Variants in SPTAN1 observed in about 807,000 individuals in gnomAD.
The protein encoded by SPTAN1 is spectrin alpha, non-erythrocytic 1.
Under a neutral mutation model 331.3 loss-of-function variants are expected in SPTAN1, and 61 were observed. The ratio of observed to expected loss-of-function variants is 0.18; its 90% CI spans 0.15 to 0.23. The LOEUF is 0.23. Among genes scored for constraint, SPTAN1 ranks in the 10% least tolerant of loss-of-function variants. The probability of loss-of-function intolerance (pLI) is 1.00; values close to 1 mark genes in which losing one functional copy is unlikely to be tolerated. For synonymous variants in SPTAN1, 1,153 were observed against 1,173.9 expected (o/e 0.98, Z 0.36); for missense variants, 2,043 against 3,147.9 (o/e 0.65, Z 8.40).
chr9:128,580,902 ATG>A lies in SPTAN1; in HGVS notation c.1324-18_1324-17del. 1.2e-6 allele frequency: 2 copies of A among 1,612,222 alleles called. No individual in the cohort carries two copies. The highest frequency in any genetic ancestry group is 2.2e-5 in the South Asian group (2 of 91,006). ...TGGGGCTGACCTCATCTCCCTGACC[ATG>A]TCTCCTATGCCCCCAAGCTGACCGT... On this transcript the variant is annotated intron_variant, in intron 10 of 56. Transcript: ENST00000372739.
In SPTAN1 at chr9:128,627,311, T is replaced by G; in HGVS notation, c.6577-75T>G. The stretch of plus-strand genomic sequence containing the variant: ...CCTTGTGGGGAGGCCACCACCACCC[T>G]GAGCCCATCTGTGAAGGAGGGGCTG... On this transcript the variant is annotated intron_variant, in intron 49 of 56. Transcript: ENST00000372739. This position sits in a 1 kb window ranked among gnomAD's most constrained non-coding sequence, Gnocchi z 4.9. The G allele has an allele frequency of 7.4e-7, 1 of 1,352,086 alleles. No homozygotes were observed. The highest frequency in any genetic ancestry group is 1.0e-6 in the Non-Finnish European group (1 of 969,694). The allele number at this position is 1,352,086 out of a possible 1,614,324, so 83.8% of individuals were successfully genotyped here. A position where few individuals can be genotyped will look rare whatever the true frequency, so the allele number is the denominator to read the frequency against.
intron 46 of SPTAN1, chr9:128,624,857 C>G: frequency 5.0e-6 from 3 of 594,420 alleles, no homozygotes; most frequent in Non-Finnish European, 9.0e-6. Context: ...TATCGGGGTC[C>G]ACGTGTCCTG....
chr9:128,557,261 A>G (rs910062098), intron 1 of SPTAN1, among the ~76,000 whole-genome samples: 6 of 152,184 alleles, frequency 3.9e-5, no homozygotes, highest in African/African-American at 1.4e-4. Flanking sequence ...TGTCTCTTAC[A>G]TCCAGTGCAT....
intron 1 of SPTAN1, among the ~76,000 whole-genome samples, chr9:128,564,355 G>T (rs1849760596): frequency 6.6e-6 from 1 of 151,818 alleles, no homozygotes. Flanking sequence ...GGATGCAGAG[G>T]TTTCAATGAG....
intron 38 of SPTAN1, 30 bp downstream of exon 38, chr9:128,611,875 G>A (rs370956360): frequency 1.2e-6 from 2 of 1,614,052 alleles, no homozygotes; most frequent in Non-Finnish European, 1.7e-6. Flanking sequence ...GGTGCCCAGG[G>A]AGGAAGATGA....
intron 12 of SPTAN1, 48 bp from the exon 13 acceptor site, chr9:128,582,431 T>C (rs1852057319): frequency 6.4e-7 from 1 of 1,554,994 alleles, no homozygotes; most frequent in Non-Finnish European, 8.9e-7. Flanking sequence ...GAGGCCAAGC[T>C]TGGGACTAGT....
chr9:128,585,180 AATTTTTGTATTTTT>A (rs1255958660), intron 18 of SPTAN1, among the ~76,000 whole-genome samples: 1 of 151,722 alleles, frequency 6.6e-6, no homozygotes, highest in African/African-American at 2.4e-5. Flanking sequence ...ATACCCAGCT[AATTTTTGTATTTTT>A]ATTTTTGTAT....
chr9:128,574,046 C>A (rs1851028945), intron 3 of SPTAN1, among the ~76,000 whole-genome samples: 1 of 152,214 alleles, frequency 6.6e-6, no homozygotes, highest in Non-Finnish European at 1.5e-5. Flanking sequence ...AGCCGCTGCA[C>A]CCAGCCTCCC....
intron 46 of SPTAN1, 139 bp from the exon 47 acceptor site, chr9:128,624,964 A>G: frequency 2.5e-6 from 2 of 809,100 alleles, no homozygotes; most frequent in East Asian, 2.6e-5. Flanking sequence ...GGGCCTGCTA[A>G]TGTGGGTTCT....
intron 27 of SPTAN1, among the ~76,000 whole-genome samples, chr9:128,601,729 C>T (rs1178882591): frequency 6.6e-6 from 1 of 152,226 alleles, no homozygotes; most frequent in East Asian, 1.9e-4. Context: ...AAAAAGCCTC[C>T]CCTCAACAAC....
At chr9:128,614,588 T>G (rs1269523629) in intron 40 of SPTAN1, among the ~76,000 whole-genome samples, 2 of 142,964 alleles carry the variant, frequency 1.4e-5, no homozygotes, top group African/African-American at 5.2e-5. Flanking sequence ...AGACTACGTC[T>G]CAAAAAAAAA....
intron 41 of SPTAN1, among the ~76,000 whole-genome samples, chr9:128,616,212 TAAAC>T (rs1304572117): frequency 3.3e-5 from 5 of 151,582 alleles, no homozygotes; most frequent in Non-Finnish European, 5.9e-5. Context: ...ATGTGGCAGG[TAAAC>T]AAACATTTTT....
Position 128,609,639 on chromosome 9 carries a change from C to T in SPTAN1, c.4759-12C>T. 2.0e-6 allele frequency: 3 copies of T among 1,524,724 alleles called. No individual in the cohort carries two copies. The Admixed American group carries it at 7.1e-5, about 36-fold the overall frequency. 94.4% of individuals were successfully genotyped at this position (1,524,724 alleles called of 1,614,324 possible). A position where few individuals can be genotyped will look rare whatever the true frequency, so the allele number is the denominator to read the frequency against. ...TGTACTGAACTCTTGTTCTTTTAATCTGTTTTTGTAGCTTTCCAAGCTGCT... is the reference window on the plus strand; with the variant it reads ...TGTACTGAACTCTTGTTCTTTTAATTTGTTTTTGTAGCTTTCCAAGCTGCT... On this transcript the variant is annotated splice_polypyrimidine_tract_variant and intron_variant, in intron 36 of 56. Coordinates refer to ENST00000372739, the MANE Select transcript of SPTAN1 (RefSeq NM_001130438.3).
chr9:128,629,004 G>T lies in SPTAN1; in HGVS notation c.6707+1062G>T. On this transcript the variant is annotated intron_variant, in intron 51 of 56. Transcript: ENST00000372739. The surrounding 1 kb of genome is among the most constrained non-coding windows in gnomAD (Gnocchi z 4.9). ...CTGGGCCTGCTGCCTCCAGGTACCC[G>T]CCGGGCACCAGGTTGCCCTTGCCTG... is the stretch of plus-strand genomic sequence containing the variant. 2.5e-6 allele frequency: 1 copy of T among 394,882 alleles called. No individual in the cohort carries two copies. The highest frequency in any genetic ancestry group is 4.5e-6 in the Non-Finnish European group (1 of 224,066). The allele number at this position is 394,882 out of a possible 1,614,324, so 24.5% of individuals were successfully genotyped here.
chr9:128,602,546 A>G (rs1238678228), intron 27 of SPTAN1, among the ~76,000 whole-genome samples: 5 of 150,614 alleles, frequency 3.3e-5, no homozygotes, highest in African/African-American at 1.2e-4. Flanking sequence ...GGTTGTGAGC[A>G]TTATAACCTA....
chr9:128,599,047 A>C (rs1276479250), intron 26 of SPTAN1, 61 bp downstream of exon 26: 8 of 1,520,540 alleles, frequency 5.3e-6, no homozygotes, highest in Non-Finnish European at 7.3e-6. Flanking sequence ...CTTGGGAAGA[A>C]TATCAAGCCA....
chr9:128,601,451 G>C (rs930993588), intron 27 of SPTAN1: 40 of 152,206 alleles, frequency 2.6e-4, no homozygotes, highest in African/African-American at 8.7e-4. Context: ...TTTTGGCTAG[G>C]TGTTGTGGCT....
intron 22 of SPTAN1, 24 bp from the exon 23 acceptor site, chr9:128,592,959 T>C (rs1460240371): frequency 1.9e-6 from 3 of 1,597,342 alleles, no homozygotes; most frequent in South Asian, 1.1e-5. Flanking sequence ...TCGTGCATGC[T>C]TTTGCTGTGC....
At chr9:128,558,325 A>G (rs1848894495) in intron 1 of SPTAN1, among the ~76,000 whole-genome samples, 1 of 152,230 alleles carries the variant, frequency 6.6e-6, no homozygotes, top group Non-Finnish European at 1.5e-5. Context: ...TAAATAGCCT[A>G]CGTCTTCAGT....
Sources: allele counts gnomAD v4.1 joint callset (sites outside exome capture counted in the v4.1 genomes callset), GRCh38; gene constraint gnomAD v4.1.1; non-coding constraint Gnocchi (gnomAD v3.1); transcripts MANE v1.5; gene names NCBI Gene and HGNC (gene_info 2026-07-23, HGNC 2026-07-21).